Variants in PCDHGA5 observed in about 807,000 individuals in gnomAD.
PCDHGA5 encodes protocadherin gamma-A5.
Under a neutral mutation model 56.7 loss-of-function variants are expected in PCDHGA5, and 36 were observed. The ratio of observed to expected loss-of-function variants is 0.64; its 90% CI spans 0.49 to 0.84. The LOEUF is 0.84. Among genes scored for constraint, PCDHGA5 ranks in the 40% least tolerant of loss-of-function variants. PCDHGA5 has a pLI of 0.00. For missense variants in PCDHGA5, 1,305 were observed against 1,201.5 expected (o/e 1.09, Z -1.27); for synonymous variants, 563 against 520.2 (o/e 1.08, Z -1.12).
rs930862898 is a variant in PCDHGA5 at position 141,480,073 on chromosome 5, C to A, written c.2422-14734C>A. ...GGAATAATAAGTGTTTTATAAGATT[C>A]ATGCATGATATAATGTATGCAAAGT... On this transcript the variant is annotated intron_variant, in intron 1 of 3. Coordinates refer to ENST00000518069, the MANE Select transcript of PCDHGA5 (RefSeq NM_018918.3). Among the ~76,000 whole-genome samples, 5 of 152,174 alleles carry A rather than the reference C, an allele frequency of 3.3e-5. No homozygotes were observed. In the South Asian group the frequency reaches 8.3e-4, roughly 25 times the overall value.
intron 1 of PCDHGA5, chr5:141,413,180 C>T: frequency 6.2e-7 from 1 of 1,602,612 alleles, no homozygotes; most frequent in Non-Finnish European, 8.5e-7. Flanking sequence ...ACTACAATGG[C>T]CGCTCAAAGG....
At chr5:141,470,034 C>T (rs1209263598) in intron 1 of PCDHGA5, among the ~76,000 whole-genome samples, 2 of 152,086 alleles carry the variant, frequency 1.3e-5, no homozygotes, top group Non-Finnish European at 2.9e-5. Flanking sequence ...GATGCTGAGG[C>T]GCGAGAACTG....
At chr5:141,420,237 C>A in intron 1 of PCDHGA5, 1 of 1,595,672 alleles carries the variant, frequency 6.3e-7, no homozygotes, top group Non-Finnish European at 8.6e-7. Context: ...AGCATTTTAA[C>A]TCCCAGCGTT....
At chr5:141,497,245 G>T (rs779763574) in intron 2 of PCDHGA5, among the ~76,000 whole-genome samples, 2 of 152,138 alleles carry the variant, frequency 1.3e-5, no homozygotes, top group Non-Finnish European at 2.9e-5. Flanking sequence ...TCTAGGAGGA[G>T]GTGACATTGA....
At chr5:141,423,354 C>A in intron 1 of PCDHGA5, 1 of 1,614,202 alleles carries the variant, frequency 6.2e-7, no homozygotes. Context: ...TGGTCTTTGT[C>A]ATCGTGCTGC....
At chr5:141,478,574 C>T (rs2099465133) in intron 1 of PCDHGA5, 1 of 1,586,288 alleles carries the variant, frequency 6.3e-7, no homozygotes, top group Non-Finnish European at 8.6e-7. Flanking sequence ...ATGCTTGACC[C>T]TGTTAGTGCT....
In PCDHGA5 at chr5:141,512,501, G is replaced by A. The variant is rs1474842711; in HGVS notation, c.*1328G>A. The A allele has an allele frequency of 6.5e-6, 1 of 152,914 alleles. No homozygotes were observed. The highest frequency in any genetic ancestry group is 1.5e-5 in the Non-Finnish European group (1 of 68,258). The allele number at this position is 152,914 out of a possible 1,614,324, so 9.5% of individuals were successfully genotyped here. On this transcript the variant is annotated 3_prime_UTR_variant, in exon 4 of 4. Transcript: ENST00000518069. The stretch of plus-strand genomic sequence containing the variant: ...GAAGGCCACTGCCCAGGTCCCCAGT[G>A]CGCCCCCTAGTGGCCATAGCCTGGT...
At chr5:141,390,612 T>C (rs2092191763) in intron 1 of PCDHGA5, 1 of 296,168 alleles carries the variant, frequency 3.4e-6, no homozygotes, top group Non-Finnish European at 6.3e-6. Context: ...ATTTTCCTTC[T>C]TGTTGACTAA....
chr5:141,383,502 C>A (rs1779190099), intron 1 of PCDHGA5: 1 of 1,613,004 alleles, frequency 6.2e-7, no homozygotes, highest in Admixed American at 1.7e-5. Context: ...GGGTGCTGGA[C>A]CGGGAGGAAG....
rs1407225048 is a variant in PCDHGA5 at position 141,489,600 on chromosome 5, G to T, written c.2422-5207G>T. On this transcript the variant is annotated intron_variant, in intron 1 of 3. Coordinates refer to ENST00000518069, the MANE Select transcript of PCDHGA5 (RefSeq NM_018918.3). The surrounding 1 kb of genome is among the most constrained non-coding windows in gnomAD (Gnocchi z 4.5). ...ACCCCCTGGAGCTAATCCGTGTAGA[G>T]GTAGAGATCCTGGATCTCAATGACA... The T allele has an allele frequency of 7.4e-6, 12 of 1,613,916 alleles. 1 individual carries two copies. In the South Asian group the frequency reaches 1.2e-4, roughly 16 times the overall value.
At chr5:141,399,557 TG>T in intron 1 of PCDHGA5, 1 of 1,613,968 alleles carries the variant, frequency 6.2e-7, no homozygotes, top group Non-Finnish European at 8.5e-7. Context: ...GACCTGGACT[TG>T]GGGTTGAACG....
intron 1 of PCDHGA5, chr5:141,389,450 G>C: frequency 6.2e-7 from 1 of 1,610,530 alleles, no homozygotes; most frequent in Non-Finnish European, 8.5e-7. Context: ...ACCACGAGCA[G>C]CTGCGCGCCT....
In PCDHGA5 at chr5:141,490,889, T is replaced by G. The variant is rs568838001; in HGVS notation, c.2422-3918T>G. The G allele has an allele frequency of 6.2e-7, 1 of 1,613,406 alleles. No homozygotes were observed. Among genetic ancestry groups the G allele is most frequent in the Non-Finnish European group, 8.5e-7 (1 of 1,179,428 alleles). ...CCCCCATTGCATGCCAACACATCTCTGCATGTGTTTGTCCTAGACGAGAAT... is the reference window on the plus strand; with the variant it reads ...CCCCCATTGCATGCCAACACATCTCGGCATGTGTTTGTCCTAGACGAGAAT... On this transcript the variant is annotated intron_variant, in intron 1 of 3. Coordinates refer to ENST00000518069, the MANE Select transcript of PCDHGA5 (RefSeq NM_018918.3). This position sits in a 1 kb window ranked among gnomAD's most constrained non-coding sequence, Gnocchi z 5.4.
At chr5:141,408,329 A>C (rs2095085203) in intron 1 of PCDHGA5, 1 of 1,613,580 alleles carries the variant, frequency 6.2e-7, no homozygotes, top group Non-Finnish European at 8.5e-7. Context: ...GGAGCTGGCC[A>C]AGGGCTCGGT....
intron 1 of PCDHGA5, among the ~76,000 whole-genome samples, chr5:141,473,383 C>A (rs976400317): frequency 3.3e-5 from 5 of 152,200 alleles, no homozygotes; most frequent in African/African-American, 9.6e-5. Context: ...GGTCCCTGCC[C>A]TCCTGGAGCT....
chr5:141,458,514 T>G (rs1338106276), intron 1 of PCDHGA5, among the ~76,000 whole-genome samples: 1 of 129,036 alleles, frequency 7.7e-6, no homozygotes, highest in African/African-American at 3.6e-5. Context: ...TGACACTTTG[T>G]TTTTTTTTTT....
intron 1 of PCDHGA5, chr5:141,379,491 C>T (rs1173749207): frequency 6.6e-6 from 1 of 152,150 alleles, no homozygotes; most frequent in Non-Finnish European, 1.5e-5. Context: ...ACTATACTAC[C>T]AATTTGGGAT....
chr5:141,403,992 T>G, intron 1 of PCDHGA5: 2 of 1,613,848 alleles, frequency 1.2e-6, no homozygotes, highest in South Asian at 2.2e-5. Flanking sequence ...AGACCTGAAG[T>G]GACCATTACA....
intron 1 of PCDHGA5, chr5:141,409,546 C>A (rs775680397): frequency 6.2e-7 from 1 of 1,613,880 alleles, no homozygotes; most frequent in African/African-American, 1.3e-5. Flanking sequence ...TCAACGACAA[C>A]GCCCCAGTTT....
Sources: allele counts gnomAD v4.1 joint callset (sites outside exome capture counted in the v4.1 genomes callset), GRCh38; gene constraint gnomAD v4.1.1; non-coding constraint Gnocchi (gnomAD v3.1); transcripts MANE v1.5; gene names NCBI Gene and HGNC (gene_info 2026-07-23, HGNC 2026-07-21).